KDM8: variants seen among roughly 807,000 people sequenced by gnomAD.
KDM8 encodes the protein lysine demethylase 8.
Under a neutral mutation model 46.9 loss-of-function variants are expected in KDM8, and 35 were observed. That is an observed-to-expected ratio of 0.75 (90% CI 0.57 to 0.99). The LOEUF is 0.99. Ranked by LOEUF, KDM8 falls within the 50% of genes least tolerant of loss-of-function variation. The pLI, the probability that KDM8 is intolerant of heterozygous loss-of-function variation, is 0.00. For synonymous variants in KDM8, 232 were observed against 227.7 expected (o/e 1.02, Z -0.17); for missense variants, 475 against 537.0 (o/e 0.88, Z 1.14).
At position 27,219,082 on chromosome 16, in the gene KDM8, A is replaced by G; in HGVS notation, c.965A>G (p.Gln322Arg). The G allele has an allele frequency of 6.2e-7, 1 of 1,612,816 alleles. No homozygotes were observed. ...GPQGTISPLH[Q>R]DPQQNFLVQV... Reference sequence around the variant, plus strand: ...CAGGGAACCATCTCCCCACTACATCAGGATCCCCAGCAAAACTTCCTAGTG... The same window carrying G: ...CAGGGAACCATCTCCCCACTACATCGGGATCCCCAGCAAAACTTCCTAGTG... Residue 322 changes from glutamine (Q) to arginine (R), a missense_variant, in exon 6 of 8, where the codon CAG (glutamine) becomes CGG (arginine). Coordinates refer to ENST00000286096, the MANE Select transcript of KDM8 (RefSeq NM_024773.3).
intron 1 of KDM8, chr16:27,206,298 ACTCTT>A: frequency 3.9e-6 from 3 of 778,866 alleles, no homozygotes; most frequent in Non-Finnish European, 4.7e-6. Context: ...GGAGGGACAG[ACTCTT>A]GCTCTGTCAC....
chr16:27,214,056 T>C (rs2083518462), intron 3 of KDM8: 1 of 245,702 alleles, frequency 4.1e-6, no homozygotes, highest in African/African-American at 2.2e-5. Flanking sequence ...TTTCAGACCA[T>C]CTCAGGGCCC....
At chr16:27,215,196 G>A (rs1451679592) in intron 4 of KDM8, among the ~76,000 whole-genome samples, 188 bp downstream of exon 4, 1 of 152,192 alleles carries the variant, frequency 6.6e-6, no homozygotes, top group Non-Finnish European at 1.5e-5. Context: ...ATTCATGTCA[G>A]GTCCTTTTTA....
intron 1 of KDM8, among the ~76,000 whole-genome samples, chr16:27,207,757 T>A (rs2083441428): frequency 6.6e-6 from 1 of 152,172 alleles, no homozygotes; most frequent in African/African-American, 2.4e-5. Context: ...ACTAATTTTT[T>A]AATTGTTTTT....
chr16:27,215,132 C>T (rs576911365), intron 4 of KDM8, 124 bp downstream of exon 4: 259 of 1,140,404 alleles, frequency 2.3e-4, no homozygotes, highest in African/African-American at 1.7e-3. Flanking sequence ...AGTCTGTGGT[C>T]GGAGGGACGA....
At position 27,220,969 on chromosome 16, in the gene KDM8, C is replaced by G. The variant is rs1300237780; in HGVS notation, c.*239C>G. 1 of 582,580 alleles carries G rather than the reference C, an allele frequency of 1.7e-6. No homozygotes were observed. Among genetic ancestry groups the G allele is most frequent in the African/African-American group, 1.9e-5 (1 of 53,522 alleles). 36.1% of individuals were successfully genotyped at this position (582,580 alleles called of 1,614,324 possible). A position where few individuals can be genotyped will look rare whatever the true frequency, so the allele number is the denominator to read the frequency against. ...ATGGCAGAGGAAGGTGGGGAGAGCC[C>G]AGAAGGACATTGCAGACAGACAGCC... On this transcript the variant is annotated 3_prime_UTR_variant, in exon 8 of 8. Coordinates refer to ENST00000286096, the MANE Select transcript of KDM8 (RefSeq NM_024773.3).
intron 5 of KDM8, 51 bp downstream of exon 5, chr16:27,216,040 TC>T: frequency 1.3e-6 from 2 of 1,589,332 alleles, no homozygotes; most frequent in Non-Finnish European, 1.7e-6. Context: ...CCTTCCCCTC[TC>T]CTCCCCTCCT....
intron 1 of KDM8, 70 bp from the exon 2 acceptor site, chr16:27,210,023 A>T (rs2083464611): frequency 6.9e-7 from 1 of 1,446,814 alleles, no homozygotes; most frequent in Non-Finnish European, 9.2e-7. Context: ...GAGATGCAGG[A>T]AGCTGCGGGA....
At chr16:27,213,436 G>T (rs1419504033) in intron 2 of KDM8, 149 bp from the exon 3 acceptor site, 2 of 710,822 alleles carry the variant, frequency 2.8e-6, no homozygotes, top group African/African-American at 3.6e-5. Context: ...AGTAATAGTA[G>T]CAGTAATAAT....
chr16:27,219,674 G>A (rs940907134), intron 6 of KDM8, among the ~76,000 whole-genome samples: 3 of 152,324 alleles, frequency 2.0e-5, no homozygotes, highest in East Asian at 1.9e-4. Flanking sequence ...GCTGGGCTTC[G>A]GGAGCCAGCG....
intron 1 of KDM8, among the ~76,000 whole-genome samples, chr16:27,208,359 A>G (rs2083446831): frequency 1.3e-5 from 2 of 152,298 alleles, no homozygotes; most frequent in East Asian, 1.9e-4. Context: ...TAAGGCTGAT[A>G]GGCGCCCTGT....
rs528029523 is a variant in KDM8 at position 27,220,252 on chromosome 16, G to A, written c.994-141G>A. ...ATAAAAAAGAAAGAAAAACATACAC[G>A]TGGAACCATAAGCATGTGTGTGGTG... is the stretch of plus-strand genomic sequence containing the variant. On this transcript the variant is annotated intron_variant, in intron 6 of 7. Transcript: ENST00000286096. 49 of 734,126 alleles carry A rather than the reference G, an allele frequency of 6.7e-5. No homozygotes were observed. In the Middle Eastern group the frequency reaches 1.8e-3, roughly 28 times the overall value. 45.5% of individuals were successfully genotyped at this position (734,126 alleles called of 1,614,324 possible).
At chr16:27,209,011 C>T (rs768399300) in intron 1 of KDM8, among the ~76,000 whole-genome samples, 15 of 152,260 alleles carry the variant, frequency 9.9e-5, no homozygotes, top group Non-Finnish European at 2.2e-4. Flanking sequence ...TGGGCAGACA[C>T]TGCCACTTAC....
At chr16:27,211,342 A>T in intron 2 of KDM8, 1 of 384,656 alleles carries the variant, frequency 2.6e-6, no homozygotes, top group Non-Finnish European at 5.1e-6. Flanking sequence ...GGTTTGGATG[A>T]GATACTACAA....
In KDM8 at chr16:27,210,163, A is replaced by G. The variant is rs767389345; in HGVS notation, c.40A>G (p.Arg14Gly). 6.2e-7 allele frequency: 1 copy of G among 1,613,550 alleles called. No homozygotes were observed. The highest frequency in any genetic ancestry group is 2.2e-5 in the East Asian group (1 of 44,880). ...CCACTGCCCCGCAGAGCCCCTGGCC[A>G]GAGAAGGCACTTTATGGGAGGCCCT... ...DTHCPAEPLA[R>G]EGTLWEALRA... Residue 14 changes from arginine to glycine, a missense_variant, in exon 2 of 8, where the codon AGA (arginine) becomes GGA (glycine). By Grantham distance (125) the Arg-to-Gly change is moderately radical. Coordinates refer to ENST00000286096, the MANE Select transcript of KDM8 (RefSeq NM_024773.3).
chr16:27,216,137 G>T, intron 5 of KDM8, 148 bp downstream of exon 5: 1 of 793,614 alleles, frequency 1.3e-6, no homozygotes, highest in Non-Finnish European at 2.1e-6. Flanking sequence ...GGGTGATGAG[G>T]AGCCATTTTC....
intron 5 of KDM8, among the ~76,000 whole-genome samples, chr16:27,217,243 T>C (rs1320512155): frequency 1.3e-5 from 2 of 152,186 alleles, no homozygotes; most frequent in Non-Finnish European, 2.9e-5. Flanking sequence ...GAACCTCTTA[T>C]TGACTTTTCT....
chr16:27,213,812 C>G (rs2083515167), intron 3 of KDM8, 61 bp downstream of exon 3: 3 of 1,546,238 alleles, frequency 1.9e-6, no homozygotes, highest in South Asian at 2.3e-5. Flanking sequence ...CCAGGGCTCC[C>G]TGAATTCCTC....
chr16:27,214,794 A>T, intron 3 of KDM8, 82 bp from the exon 4 acceptor site: 1 of 1,514,932 alleles, frequency 6.6e-7, no homozygotes, highest in South Asian at 1.1e-5. Context: ...CGAGGATGAA[A>T]GGGGACCACA....
Sources: gnomAD v4.1 joint callset for allele counts (sites outside exome capture counted in the v4.1 genomes callset) on GRCh38, gnomAD v4.1.1 for gene constraint, MANE v1.5 for transcripts, NCBI Gene and HGNC (gene_info 2026-07-23, HGNC 2026-07-21) for gene names.